DCAF6: variants seen among roughly 807,000 people sequenced by gnomAD.
DCAF6 encodes the protein DDB1- and CUL4-associated factor 6.
In DCAF6, 54 loss-of-function variants were observed where a neutral mutation model predicts 125.1. That is an observed-to-expected ratio of 0.43 (90% CI 0.35 to 0.54). The LOEUF (loss-of-function observed/expected upper bound fraction) is 0.54. Among genes scored for constraint, DCAF6 ranks in the 20% least tolerant of loss-of-function variants. The pLI is 0.01. For missense variants in DCAF6, 934 were observed against 1,161.7 expected (o/e 0.80, Z 2.85); for synonymous variants, 371 against 390.4 (o/e 0.95, Z 0.58).
At chr1:167,886,698 G>A in the DCAF6 span, among the ~76,000 whole-genome samples, 1 of 152,062 alleles carries the variant, frequency 6.6e-6, no homozygotes, top group African/African-American at 2.4e-5. Context: ...TTGACAAACA[G>A]GATCCAATTA....
chr1:167,931,237 TC>T (rs1670900479), upstream of DCAF6, among the ~76,000 whole-genome samples: 1 of 152,182 alleles, frequency 6.6e-6, no homozygotes, highest in Non-Finnish European at 1.5e-5. Context: ...CAGCTGATAT[TC>T]CTTTTTATGA....
At chr1:167,868,731 G>T in the DCAF6 span, among the ~76,000 whole-genome samples, 1 of 152,156 alleles carries the variant, frequency 6.6e-6, no homozygotes, top group Non-Finnish European at 1.5e-5. Context: ...CGCGAAAAGC[G>T]AAACATAGCC....
chr1:168,005,773 C>G (rs1057367864), intron 10 of DCAF6, among the ~76,000 whole-genome samples: 3 of 152,080 alleles, frequency 2.0e-5, no homozygotes, highest in African/African-American at 7.2e-5. Flanking sequence ...GTATATACCA[C>G]TTTTAGTAAT....
intron 4 of DCAF6, among the ~76,000 whole-genome samples, chr1:167,979,677 A>G (rs546595882): frequency 2.4e-4 from 37 of 151,812 alleles, no homozygotes; most frequent in Admixed American, 1.2e-3. Context: ...ACTTGAGGTT[A>G]GGAGTTCAAG....
intron 12 of DCAF6, among the ~76,000 whole-genome samples, chr1:168,030,646 G>T (rs1686963504): frequency 1.3e-5 from 2 of 152,190 alleles, no homozygotes; most frequent in Non-Finnish European, 2.9e-5. Context: ...CTTGGTGGTA[G>T]ATTGAATGAC....
At chr1:167,904,944 G>A in the DCAF6 span, 57 of 1,613,510 alleles carry the variant, frequency 3.5e-5, no homozygotes, top group Non-Finnish European at 4.5e-5. Flanking sequence ...GAATTCCCAC[G>A]CGAGCCTGTT....
upstream of DCAF6, chr1:167,936,422 C>A (rs115893613): frequency 5.3e-3 from 958 of 180,900 alleles, 10 homozygotes; most frequent in African/African-American, 0.022. Flanking sequence ...CGAGAGACTA[C>A]AGAATTGAGT....
intron 11 of DCAF6, among the ~76,000 whole-genome samples, chr1:168,017,326 A>G (rs1685115831): frequency 6.6e-6 from 1 of 151,982 alleles, no homozygotes. Context: ...AAATGTCCCT[A>G]CGTATATAAT....
intron 1 of DCAF6, among the ~76,000 whole-genome samples, chr1:167,943,861 T>A (rs1295224487): frequency 1.3e-5 from 2 of 152,076 alleles, no homozygotes; most frequent in Middle Eastern, 3.2e-3. Flanking sequence ...TTTTTTGAGA[T>A]GGAGTCTCAC....
At chr1:167,939,725 T>C (rs1206195960) in intron 1 of DCAF6, among the ~76,000 whole-genome samples, 1 of 152,144 alleles carries the variant, frequency 6.6e-6, no homozygotes, top group Non-Finnish European at 1.5e-5. Flanking sequence ...ATTGTGCCAC[T>C]GCACTCCAGC....
chr1:167,872,367 T>TAA, the DCAF6 span, among the ~76,000 whole-genome samples: 11 of 142,068 alleles, frequency 7.7e-5, no homozygotes, highest in Admixed American at 1.4e-4. Flanking sequence ...TAAGGAAGCT[T>TAA]AAAAAAAAAA....
Position 168,066,434 on chromosome 1 carries a change from C to T in DCAF6, c.2654C>T (p.Ser885Leu), listed in dbSNP as rs1692342399. The change falls in exon 20 of 22, where the codon TCA becomes TTA. Residue 885 changes from serine (S) to leucine (L), a missense_variant. Ser to Leu is a moderately radical substitution (Grantham distance 145, BLOSUM62 -2). Transcript: ENST00000367840. ...DIKIWSPLEESRIFNRKLADE... is the reference protein window; with the variant it reads ...DIKIWSPLEELRIFNRKLADE... ...AAGATCTGGTCACCATTAGAAGAGT[C>T]AAGGATTTTTAACCGAAAACTTGCT... The T allele has an allele frequency of 1.2e-6, 2 of 1,610,048 alleles. No individual in the cohort carries two copies. The highest frequency in any genetic ancestry group is 1.7e-6 in the Non-Finnish European group (2 of 1,177,690).
chr1:168,028,065 G>C (rs1430658027), intron 12 of DCAF6, among the ~76,000 whole-genome samples: 1 of 152,094 alleles, frequency 6.6e-6, no homozygotes, highest in Non-Finnish European at 1.5e-5. Context: ...TGCATAAAGT[G>C]AAATTCTGTT....
chr1:167,904,053 G>T, the DCAF6 span: 1 of 1,064,146 alleles, frequency 9.4e-7, no homozygotes. Context: ...AGCCAGAAGA[G>T]GACTACCCTG....
intron 4 of DCAF6, 91 bp from the exon 5 acceptor site, chr1:167,987,399 TTTACC>T (rs1680162557): frequency 3.0e-6 from 2 of 655,898 alleles, no homozygotes; most frequent in Non-Finnish European, 5.4e-6. Context: ...TTTTGTAACC[TTTACC>T]TTAATCATTT....
the DCAF6 span, chr1:167,904,577 T>C: frequency 2.4e-6 from 1 of 411,496 alleles, no homozygotes; most frequent in African/African-American, 2.0e-5. Flanking sequence ...TTTCATTCCG[T>C]GGTAACAAAA....
intron 1 of DCAF6, among the ~76,000 whole-genome samples, chr1:167,941,324 A>G (rs1460413620): frequency 2.0e-5 from 3 of 152,218 alleles, no homozygotes; most frequent in African/African-American, 7.2e-5. Flanking sequence ...ACACTATGAT[A>G]GCTCTACTGT....
At chr1:168,067,939 G>C (rs1268415533) in intron 20 of DCAF6, among the ~76,000 whole-genome samples, 1 of 152,090 alleles carries the variant, frequency 6.6e-6, no homozygotes, top group Non-Finnish European at 1.5e-5. Context: ...CCTCAGTCAA[G>C]GTAACATCTT....
the DCAF6 span, among the ~76,000 whole-genome samples, chr1:167,880,840 G>A: frequency 6.6e-6 from 1 of 152,200 alleles, no homozygotes. Flanking sequence ...ATAGTGAATA[G>A]GGCTGAGCTA....
Sources: gnomAD v4.1 joint callset for allele counts (sites outside exome capture counted in the v4.1 genomes callset) on GRCh38, gnomAD v4.1.1 for gene constraint, MANE v1.5 for transcripts, NCBI Gene and HGNC (gene_info 2026-07-23, HGNC 2026-07-21) for gene names.